The following ITPRID2 variants were observed in gnomAD, a reference collection of about 807,000 sequenced individuals.
The protein encoded by ITPRID2 is ITPR interacting domain containing 2.
ITPRID2 carries 60 observed loss-of-function variants against 124.3 expected under a neutral mutation model. The observed-to-expected ratio is 0.48, with a 90% CI of 0.39 to 0.60. The LOEUF is 0.60. Ranked by LOEUF, ITPRID2 falls within the 20% of genes least tolerant of loss-of-function variation. ITPRID2 has a pLI of 0.00. For synonymous variants in ITPRID2, 521 were observed against 542.9 expected, an observed-to-expected ratio of 0.96 and a Z score of 0.56; for missense variants, 1,553 against 1,512.2, an observed-to-expected ratio of 1.03 and a Z score of -0.45.
Position 181,892,352 on chromosome 2 carries a change from A to C in ITPRID2, c.211+75A>C. The stretch of plus-strand genomic sequence containing the variant: ...GTCTCGTGCGCCCTGGGCGCCTGCC[A>C]CGAGTTCTGGGAGAGCCTCGGGCAC... On this transcript the variant is annotated intron_variant, in intron 1 of 17. Transcript: ENST00000431877. The surrounding 1 kb of genome is among the most constrained non-coding windows in gnomAD (Gnocchi z 5.2). 4.1e-6 allele frequency: 6 copies of C among 1,453,418 alleles called. No individual in the cohort carries two copies. The highest frequency in any genetic ancestry group is 5.5e-6 in the Non-Finnish European group (6 of 1,091,586). 90.0% of individuals were successfully genotyped at this position (1,453,418 alleles called of 1,614,324 possible).
chr2:181,912,904 A>T (rs935301549), intron 9 of ITPRID2, among the ~76,000 whole-genome samples: 1 of 152,224 alleles, frequency 6.6e-6, no homozygotes, highest in Non-Finnish European at 1.5e-5. Flanking sequence ...TAACAATATT[A>T]TGTTGTAGTT....
chr2:181,927,393 T>TG (rs1483054079), intron 16 of ITPRID2, among the ~76,000 whole-genome samples: 1 of 152,158 alleles, frequency 6.6e-6, no homozygotes, highest in Admixed American at 6.5e-5. Flanking sequence ...AGAGAAAAGG[T>TG]GGAGATAGGC....
At chr2:181,900,958 C>T (rs961038383) in intron 7 of ITPRID2, 54 bp downstream of exon 7, 1 of 1,351,346 alleles carries the variant, frequency 7.4e-7, no homozygotes, top group South Asian at 1.4e-5. Context: ...GCATCTACAG[C>T]AAGATGGTCT....
At position 181,900,798 on chromosome 2, in the gene ITPRID2, C is replaced by A. The variant is rs1403135001; in HGVS notation, c.606C>A (p.Ser202=). The A allele has an allele frequency of 1.2e-6, 2 of 1,612,998 alleles. No homozygotes were observed. The highest frequency in any genetic ancestry group is 1.7e-6 in the Non-Finnish European group (2 of 1,179,570). The change falls in exon 7 of 18, where the codon TCC becomes TCA. Residue 202 remains serine, a synonymous_variant. Transcript: ENST00000431877. ...DEPDIASKIP[S]RFFNSSSFAK... ...CAGATATTGCTTCTAAAATTCCTTC[C>A]AGATTTTTTAATTCATCATCCTTTG...
chr2:181,930,722 T>C lies in ITPRID2; in HGVS notation c.*1175T>C, dbSNP rs1413920901. Reference sequence around the variant, plus strand: ...ATATATATATATTAAAACAATAAAGTATTTATTTTGCCTAAAGTGTTTTAG... The same window carrying C: ...ATATATATATATTAAAACAATAAAGCATTTATTTTGCCTAAAGTGTTTTAG... On this transcript the variant is annotated 3_prime_UTR_variant, in exon 18 of 18. Transcript: ENST00000431877. The C allele has an allele frequency of 6.6e-6, 1 of 152,424 alleles. No homozygotes were observed. The highest frequency in any genetic ancestry group is 1.5e-5 in the Non-Finnish European group (1 of 68,008). The allele number at this position is 152,424 out of a possible 1,614,324, so 9.4% of individuals were successfully genotyped here.
rs771717689 is a variant in ITPRID2, at chr2:181,919,293, T to C, written c.2994-3T>C. 6.2e-7 allele frequency: 1 copy of C among 1,613,886 alleles called. No homozygotes were observed. On this transcript the variant is annotated splice_polypyrimidine_tract_variant and splice_region_variant and intron_variant, in intron 13 of 17. Coordinates refer to ENST00000431877, the MANE Select transcript of ITPRID2 (RefSeq NM_001130445.3). This position sits in a 1 kb window ranked among gnomAD's most constrained non-coding sequence, Gnocchi z 4.2. ...AATTTTGTGCCCTTCACCATACCAA[T>C]AGGTTTGAAGTTGATCAGCTCCAGG...
In ITPRID2 at chr2:181,907,437, G is replaced by T. The variant is rs1033324470; in HGVS notation, c.1414-2462G>T. Among the ~76,000 whole-genome samples, 1 of 90,014 alleles carries T rather than the reference G, an allele frequency of 1.1e-5. No homozygotes were observed. The highest frequency in any genetic ancestry group is 3.6e-5 in the African/African-American group (1 of 28,098). 59.1% of individuals were successfully genotyped at this position (90,014 alleles called of 152,430 possible). A position where few individuals can be genotyped will look rare whatever the true frequency, so the allele number is the denominator to read the frequency against. On this transcript the variant is annotated intron_variant, in intron 8 of 17. Coordinates refer to ENST00000431877, the MANE Select transcript of ITPRID2 (RefSeq NM_001130445.3). The surrounding 1 kb of genome is among the most constrained non-coding windows in gnomAD (Gnocchi z 5.1). The stretch of plus-strand genomic sequence containing the variant: ...TGAGACCATGCAATTTTATCACTTT[G>T]GTTTAGTGGTTTTTTTTTTTTTTTA...
intron 8 of ITPRID2, among the ~76,000 whole-genome samples, chr2:181,904,195 A>G (rs901246094): frequency 5.3e-5 from 8 of 152,286 alleles, no homozygotes; most frequent in African/African-American, 1.9e-4. Context: ...TGGCAAGTTA[A>G]CCTTTAATGA....
intron 16 of ITPRID2, among the ~76,000 whole-genome samples, chr2:181,924,143 T>C (rs1446856329): frequency 2.0e-5 from 3 of 152,196 alleles, no homozygotes; most frequent in Non-Finnish European, 4.4e-5. Flanking sequence ...TTTATTCTTT[T>C]ACTGTCTACA....
At chr2:181,918,456 G>A in intron 11 of ITPRID2, 142 bp from the exon 12 acceptor site, 1 of 1,456,230 alleles carries the variant, frequency 6.9e-7, no homozygotes, top group Non-Finnish European at 9.0e-7. Flanking sequence ...CTTTTTTCCT[G>A]CTTACAATAT....
At position 181,918,754 on chromosome 2, in the gene ITPRID2, G is replaced by C. The variant is rs768832954; in HGVS notation, c.2866-1G>C. 1.2e-6 allele frequency: 2 copies of C among 1,613,874 alleles called. No individual in the cohort carries two copies. The highest frequency in any genetic ancestry group is 8.5e-7 in the Non-Finnish European group (1 of 1,179,946). ...TGTAATTTTGTTATATTGCATTCTA[G>C]AATACTTTTCAGGAGCTCCAGGTAA... On this transcript the variant is annotated splice_acceptor_variant, in intron 12 of 17. Coordinates refer to ENST00000431877, the MANE Select transcript of ITPRID2 (RefSeq NM_001130445.3). LOFTEE classifies it high-confidence loss of function.
At chr2:181,921,851 C>A in intron 15 of ITPRID2, 97 bp from the exon 16 acceptor site, 1 of 1,036,678 alleles carries the variant, frequency 9.6e-7, no homozygotes, top group Non-Finnish European at 1.4e-6. Flanking sequence ...TTACAAATTA[C>A]ATGATTTTAG....
rs202098438 is a variant in ITPRID2 at position 181,919,451 on chromosome 2, G to T, written c.3144+5G>T. 3.0e-4 allele frequency: 469 copies of T among 1,552,032 alleles called. 2 individuals are homozygous for T. The African/African-American group carries it at 5.6e-3, about 19-fold the overall frequency. On this transcript the variant is annotated splice_donor_5th_base_variant and intron_variant, in intron 14 of 17. Transcript: ENST00000431877. The surrounding 1 kb of genome is among the most constrained non-coding windows in gnomAD (Gnocchi z 4.2). ...TTCCGCTCCTCCGCACTCATGGTACGCTACCTGGAGGGTGGTCGGAGTTTT... is the reference window on the plus strand; with the variant it reads ...TTCCGCTCCTCCGCACTCATGGTACTCTACCTGGAGGGTGGTCGGAGTTTT...
rs1380808071 is a variant in ITPRID2 at position 181,899,255 on chromosome 2, T to TCA, written c.503+143_503+144insCA. On this transcript the variant is annotated intron_variant, in intron 6 of 17. Transcript: ENST00000431877. ...GCGTTTCCTGTACCAGCACAACTGA[T>TCA]AGGAGCTTTTTGTTTTGTTTTGTTT... is the stretch of plus-strand genomic sequence containing the variant. 4.9e-6 allele frequency: 3 copies of TCA among 618,212 alleles called. No homozygotes were observed. In the African/African-American group the frequency reaches 5.6e-5, roughly 12 times the overall value. 38.3% of individuals were successfully genotyped at this position (618,212 alleles called of 1,614,324 possible).
At position 181,892,787 on chromosome 2, in the gene ITPRID2, C is replaced by G. The variant is rs2125055675; in HGVS notation, c.257+127C>G. On this transcript the variant is annotated intron_variant, in intron 2 of 17. Coordinates refer to ENST00000431877, the MANE Select transcript of ITPRID2 (RefSeq NM_001130445.3). The surrounding 1 kb of genome is among the most constrained non-coding windows in gnomAD (Gnocchi z 5.2). Reference sequence around the variant, plus strand: ...TGTAAGCTACAAACCGGAAAGTGAGCCGGCGGATAGCTTCCTCCTCTAAGC... The same window carrying G: ...TGTAAGCTACAAACCGGAAAGTGAGGCGGCGGATAGCTTCCTCCTCTAAGC... The G allele has an allele frequency of 3.8e-6, 4 of 1,062,856 alleles. No individual in the cohort carries two copies. The highest frequency in any genetic ancestry group is 1.3e-5 in the South Asian group (1 of 75,066). 65.8% of individuals were successfully genotyped at this position (1,062,856 alleles called of 1,614,324 possible). A position where few individuals can be genotyped will look rare whatever the true frequency, so the allele number is the denominator to read the frequency against.
chr2:181,918,534 C>T (rs1694247631), intron 11 of ITPRID2, 64 bp from the exon 12 acceptor site: 16 of 1,600,094 alleles, frequency 1.0e-5, no homozygotes, highest in Non-Finnish European at 1.4e-5. Context: ...CCTTTTAACC[C>T]CTTAAGTGAT....
intron 16 of ITPRID2, among the ~76,000 whole-genome samples, chr2:181,926,345 G>C (rs76035741): frequency 1.3e-5 from 2 of 152,026 alleles, no homozygotes; most frequent in Non-Finnish European, 2.9e-5. Context: ...TTGATGGTAG[G>C]GATTCTTTTA....
At chr2:181,916,612 A>G (rs1040755202) in intron 11 of ITPRID2, 185 bp downstream of exon 11, 3 of 851,398 alleles carry the variant, frequency 3.5e-6, no homozygotes, top group Non-Finnish European at 5.2e-6. Flanking sequence ...AGAAGCTGTA[A>G]CTAACCCTGA....
At chr2:181,909,354 A>G (rs1010225242) in intron 8 of ITPRID2, among the ~76,000 whole-genome samples, 4 of 152,182 alleles carry the variant, frequency 2.6e-5, no homozygotes, top group Non-Finnish European at 5.9e-5. Flanking sequence ...ATTTTCAAAG[A>G]TGCGAGACTT....
Sources: allele counts gnomAD v4.1 joint callset (sites outside exome capture counted in the v4.1 genomes callset), GRCh38; gene constraint gnomAD v4.1.1; non-coding constraint Gnocchi (gnomAD v3.1); transcripts MANE v1.5; gene names NCBI Gene and HGNC (gene_info 2026-07-23, HGNC 2026-07-21).